GOLGA5: variants seen among roughly 807,000 people sequenced by gnomAD.
GOLGA5 encodes the protein golgin A5.
In GOLGA5, 50 loss-of-function variants were observed where a neutral mutation model predicts 93.5. That is an observed-to-expected ratio of 0.53 (90% CI 0.43 to 0.68). The LOEUF is 0.68. Among genes scored for constraint, GOLGA5 ranks in the 30% least tolerant of loss-of-function variants. GOLGA5 has a pLI of 0.00. For missense variants in GOLGA5, 760 were observed against 856.4 expected (o/e 0.89, Z 1.40); for synonymous variants, 312 against 304.5 (o/e 1.02, Z -0.26).
intron 6 of GOLGA5, among the ~76,000 whole-genome samples, chr14:92,813,530 C>T (rs144397728): frequency 0.045 from 6,804 of 152,108 alleles, 217 homozygotes; most frequent in Non-Finnish European, 0.064. Context: ...AGCAAGGGGG[C>T]CAGAGAGAAC....
At chr14:92,809,559 A>G in intron 4 of GOLGA5, 40 bp downstream of exon 4, 1 of 1,229,214 alleles carries the variant, frequency 8.1e-7, no homozygotes, top group Non-Finnish European at 1.2e-6. Flanking sequence ...TGAGCAAGTA[A>G]TGGTAAACAT....
chr14:92,797,765 T>G lies in GOLGA5; in HGVS notation c.328T>G (p.Phe110Val), dbSNP rs777823905. ...NASVPRPSSH[F>V]VRRKKSEPDD... is the part of the protein sequence containing the mutation. Reference sequence around the variant, plus strand: ...ATCTGTTCCTAGGCCTTCATCCCATTTTGTGCGAAGAAAAAAGTCAGAACC... The same window carrying G: ...ATCTGTTCCTAGGCCTTCATCCCATGTTGTGCGAAGAAAAAAGTCAGAACC... Residue 110 changes from phenylalanine to valine, a missense_variant, in exon 2 of 13, where the codon TTT (phenylalanine) becomes GTT (valine). Coordinates refer to ENST00000163416, the MANE Select transcript of GOLGA5 (RefSeq NM_005113.4). 4.5e-5 allele frequency: 72 copies of G among 1,613,326 alleles called. No homozygotes were observed. Among genetic ancestry groups the G allele is most frequent in the Non-Finnish European group, 5.5e-5 (65 of 1,179,640 alleles).
chr14:92,800,204 ATTTAC>A (rs1022271524), intron 2 of GOLGA5, among the ~76,000 whole-genome samples: 1 of 152,224 alleles, frequency 6.6e-6, no homozygotes, highest in African/African-American at 2.4e-5. Context: ...TAAACAGATA[ATTTAC>A]TTGTGGTCTA....
At chr14:92,796,471 G>A (rs1884729956) in intron 1 of GOLGA5, among the ~76,000 whole-genome samples, 1 of 152,106 alleles carries the variant, frequency 6.6e-6, no homozygotes, top group Admixed American at 6.5e-5. Flanking sequence ...TGTCCTTTCT[G>A]TATGCCTGTT....
At chr14:92,816,150 A>G in intron 6 of GOLGA5, 101 bp from the exon 7 acceptor site, 1 of 739,628 alleles carries the variant, frequency 1.4e-6, no homozygotes, top group Admixed American at 2.4e-5. Context: ...TGATGGAGAT[A>G]ATGGAATTTT....
Position 92,806,932 on chromosome 14 carries a change from G to A in GOLGA5, c.741G>A (p.Ser247=), listed in dbSNP as rs747227189. ...EVQSLNQEMA[S]LLQRSKETQE... ...AGTCTTTAAATCAAGAAATGGCCTCGTTACTCCAAAGATCCAAAGAGACTC... is the reference window on the plus strand; with the variant it reads ...AGTCTTTAAATCAAGAAATGGCCTCATTACTCCAAAGATCCAAAGAGACTC... The change falls in exon 3 of 13, where the codon TCG becomes TCA. Residue 247 remains serine, a synonymous_variant. Coordinates refer to ENST00000163416, the MANE Select transcript of GOLGA5 (RefSeq NM_005113.4). The A allele has an allele frequency of 1.3e-5, 21 of 1,609,090 alleles. No homozygotes were observed. The East Asian group carries it at 1.3e-4, about 10-fold the overall frequency.
intron 11 of GOLGA5, among the ~76,000 whole-genome samples, chr14:92,837,084 AAT>A (rs1187663126): frequency 6.6e-6 from 1 of 152,074 alleles, no homozygotes; most frequent in Non-Finnish European, 1.5e-5. Flanking sequence ...AAAAAAAAAA[AAT>A]TAGGGATCAA....
At chr14:92,802,397 G>T (rs915112720) in intron 2 of GOLGA5, among the ~76,000 whole-genome samples, 2 of 151,780 alleles carry the variant, frequency 1.3e-5, no homozygotes, top group African/African-American at 2.4e-5. Flanking sequence ...TGTTTTTCTG[G>T]ACATAAATTT....
chr14:92,808,611 C>G lies in GOLGA5; in HGVS notation c.773-689C>G, dbSNP rs145938302. Among the ~76,000 whole-genome samples the G allele has an allele frequency of 3.8e-3, 562 of 149,828 alleles. 2 individuals carry two copies. The highest frequency in any genetic ancestry group is 0.013 in the African/African-American group (525 of 40,808). On this transcript the variant is annotated intron_variant, in intron 3 of 12. Coordinates refer to ENST00000163416, the MANE Select transcript of GOLGA5 (RefSeq NM_005113.4). ...CAGTGAGTCATGGGCCATGATCATG[C>G]CACTGCACTCCAGCCGGGGCAACAG...
chr14:92,812,965 C>T (rs769930745), intron 6 of GOLGA5, among the ~76,000 whole-genome samples: 2 of 152,220 alleles, frequency 1.3e-5, no homozygotes, highest in Non-Finnish European at 2.9e-5. Flanking sequence ...TGCCCAGCTG[C>T]CTACTGTGCA....
intron 2 of GOLGA5, among the ~76,000 whole-genome samples, chr14:92,805,029 T>C (rs1884954593): frequency 6.6e-6 from 1 of 152,188 alleles, no homozygotes; most frequent in Non-Finnish European, 1.5e-5. Flanking sequence ...TTTTTTCTTT[T>C]AGGTAAAATG....
intron 9 of GOLGA5, among the ~76,000 whole-genome samples, chr14:92,830,663 G>A (rs959275360): frequency 1.6e-4 from 24 of 152,220 alleles, no homozygotes; most frequent in Admixed American, 8.5e-4. Flanking sequence ...GCAGTGGTGC[G>A]ATCACAGCTC....
chr14:92,824,725 T>C, intron 9 of GOLGA5, 81 bp downstream of exon 9: 1 of 723,678 alleles, frequency 1.4e-6, no homozygotes, highest in Non-Finnish European at 2.4e-6. Flanking sequence ...GTAAGAACTT[T>C]CCCCGTGTTT....
At chr14:92,823,602 A>C (rs1385003066) in intron 8 of GOLGA5, among the ~76,000 whole-genome samples, 2 of 151,556 alleles carry the variant, frequency 1.3e-5, no homozygotes, top group African/African-American at 2.4e-5. Flanking sequence ...TTTTGTAGAG[A>C]TGAGGTCTCA....
At chr14:92,804,346 G>A (rs550423065) in intron 2 of GOLGA5, among the ~76,000 whole-genome samples, 101 of 152,082 alleles carry the variant, frequency 6.6e-4, no homozygotes, top group African/African-American at 2.3e-3. Context: ...GATTACAGGC[G>A]TGAGCCACCA....
At chr14:92,835,776 T>TCTCCCTCTCCCTCTCCCTCTCCCTCTC in intron 11 of GOLGA5, 112 bp downstream of exon 11, 1 of 565,560 alleles carries the variant, frequency 1.8e-6, no homozygotes, top group East Asian at 2.8e-5. Context: ...AGTGACTTAC[T>TCTCCCTCTCCCTCTCCCTCTCCCTCTC]CCTTTCAAGA....
rs1420822335 is a variant in GOLGA5, at chr14:92,797,929, T to G, written c.492T>G (p.Ser164Arg). The G allele has an allele frequency of 6.2e-7, 1 of 1,604,558 alleles. No homozygotes were observed. The highest frequency in any genetic ancestry group is 1.3e-5 in the African/African-American group (1 of 74,112). ...CAAGTGTCAGTTCTGTGAACCCCAG[T>G]GTAACCACCATCAAAACCATTGAAG... Reference protein sequence around the residue: ...QTSSVSSVNPSVTTIKTIEEN... With the variant: ...QTSSVSSVNPRVTTIKTIEEN... Residue 164 changes from serine (S) to arginine (R), a missense_variant, in exon 2 of 13, where the codon AGT becomes AGG. Ser to Arg is a moderately radical substitution (Grantham distance 110). Coordinates refer to ENST00000163416, the MANE Select transcript of GOLGA5 (RefSeq NM_005113.4).
chr14:92,830,179 A>G (rs1347820070), intron 9 of GOLGA5, among the ~76,000 whole-genome samples: 4 of 152,170 alleles, frequency 2.6e-5, no homozygotes, highest in African/African-American at 9.7e-5. Context: ...TTAGCCGAGC[A>G]TGGTTGCAGG....
chr14:92,794,734 C>T (rs1884682151), intron 1 of GOLGA5, among the ~76,000 whole-genome samples: 1 of 152,108 alleles, frequency 6.6e-6, no homozygotes, highest in Admixed American at 6.5e-5. Context: ...GAGTGGGGGT[C>T]TCTGCTCGCT....
Sources: gnomAD v4.1 joint callset for allele counts (sites outside exome capture counted in the v4.1 genomes callset) on GRCh38, gnomAD v4.1.1 for gene constraint, MANE v1.5 for transcripts, NCBI Gene and HGNC (gene_info 2026-07-23, HGNC 2026-07-21) for gene names.